Variants in ZNF821 observed in about 807,000 individuals in gnomAD.
ZNF821 encodes the protein zinc finger protein 821.
A neutral mutation model predicts 44.3 loss-of-function variants in ZNF821; 16 were observed. The ratio of observed to expected loss-of-function variants is 0.36; its 90% CI spans 0.24 to 0.55. The LOEUF is 0.55. Ranked by LOEUF, ZNF821 falls within the 20% of genes least tolerant of loss-of-function variation. The probability of loss-of-function intolerance (pLI) is 0.86; values close to 1 mark genes in which losing one functional copy is unlikely to be tolerated. For synonymous variants in ZNF821, 204 were observed against 197.6 expected, an observed-to-expected ratio of 1.03 and a Z score of -0.27; for missense variants, 436 against 547.6, an observed-to-expected ratio of 0.80 and a Z score of 2.03.
rs149913112 is a variant in ZNF821, at chr16:71,862,060, A to C, written c.418-118T>G. 3.5e-4 allele frequency: 426 copies of C among 1,210,598 alleles called. 1 individual carries two copies. The East Asian group carries it at 6.7e-3, about 19-fold the overall frequency. The allele number at this position is 1,210,598 out of a possible 1,614,324, so 75.0% of individuals were successfully genotyped here. A position where few individuals can be genotyped will look rare whatever the true frequency, so the allele number is the denominator to read the frequency against. On this transcript the variant is annotated intron_variant, in intron 6 of 7. Coordinates refer to ENST00000425432, the MANE Select transcript of ZNF821 (RefSeq NM_001201552.2). ...TTTAGTCTCAGAATAAGGAACTTCC[A>C]AGTATTCTGTTTAGCCCCTAGAAAA... is the stretch of plus-strand genomic sequence containing the variant.
At chr16:71,869,066 A>C (rs2034886479) in intron 3 of ZNF821, among the ~76,000 whole-genome samples, 1 of 152,146 alleles carries the variant, frequency 6.6e-6, no homozygotes, top group South Asian at 2.1e-4. Context: ...GCTACTGAAG[A>C]GTTAGTATAC....
intron 3 of ZNF821, among the ~76,000 whole-genome samples, chr16:71,869,628 A>G (rs118088630): frequency 1.5e-3 from 229 of 152,034 alleles, no homozygotes; most frequent in Admixed American, 2.8e-3. Context: ...ATCTAACTCT[A>G]ATGTCCTTTT....
chr16:71,863,842 C>T lies in ZNF821; in HGVS notation c.417+296G>A, dbSNP rs575238577. Among the ~76,000 whole-genome samples, 79 of 152,192 alleles carry T rather than the reference C, an allele frequency of 5.2e-4. 1 individual carries two copies. The highest frequency in any genetic ancestry group is 1.7e-3 in the African/African-American group (69 of 41,536). On this transcript the variant is annotated intron_variant, in intron 6 of 7. Transcript: ENST00000425432. ...CATCCCGAGTAGCTGGGACTACAGG[C>T]GCATGCCACCACACCTGGCTAATAT...
At chr16:71,890,573 GAC>G (rs907737490) in intron 1 of ZNF821, 4 of 151,458 alleles carry the variant, frequency 2.6e-5, no homozygotes, top group African/African-American at 9.7e-5. Context: ...TTTTAATAGA[GAC>G]AGATTTTCGC....
intron 2 of ZNF821, among the ~76,000 whole-genome samples, chr16:71,881,030 G>A (rs1236879910): frequency 2.0e-5 from 3 of 152,164 alleles, no homozygotes; most frequent in Non-Finnish European, 1.5e-5. Flanking sequence ...TAGAAAGAGT[G>A]AATAAAGACA....
At chr16:71,880,860 G>A (rs554589950) in intron 2 of ZNF821, among the ~76,000 whole-genome samples, 12 of 152,164 alleles carry the variant, frequency 7.9e-5, no homozygotes, top group Non-Finnish European at 1.6e-4. Flanking sequence ...TTCCCCAAAC[G>A]AAAAATGCTG....
At chr16:71,863,392 G>A (rs2034139092) in intron 6 of ZNF821, among the ~76,000 whole-genome samples, 1 of 144,192 alleles carries the variant, frequency 6.9e-6, no homozygotes, top group African/African-American at 2.6e-5. Context: ...GAAGCTTGGA[G>A]CAGAATCTCT....
chr16:71,875,611 G>A (rs1430654278), intron 3 of ZNF821, among the ~76,000 whole-genome samples: 1 of 151,908 alleles, frequency 6.6e-6, no homozygotes, highest in African/African-American at 2.4e-5. Context: ...CCACCACCAC[G>A]CCCGGCTAAT....
exon 1 of ZNF821, chr16:71,895,002 G>T (rs558209557): frequency 1.6e-6 from 1 of 607,742 alleles, no homozygotes; most frequent in African/African-American, 1.9e-5. Flanking sequence ...GCTTAAAAGC[G>T]GGGCGGGGGA....
At chr16:71,881,558 T>G (rs2036424826) in intron 2 of ZNF821, 1 of 152,248 alleles carries the variant, frequency 6.6e-6, no homozygotes, top group Non-Finnish European at 1.5e-5. Flanking sequence ...TGTATGTCAT[T>G]TTTTTCTAAT....
chr16:71,878,939 A>AT (rs2036144850), intron 3 of ZNF821, among the ~76,000 whole-genome samples: 1 of 151,678 alleles, frequency 6.6e-6, no homozygotes, highest in Admixed American at 6.6e-5. Context: ...AAAAAAAAAA[A>AT]GCAAAGAAAA....
intron 4 of ZNF821, among the ~76,000 whole-genome samples, chr16:71,867,425 G>A (rs527376063): frequency 6.6e-6 from 1 of 152,218 alleles, no homozygotes; most frequent in South Asian, 2.1e-4. Flanking sequence ...AGTGGCTCAC[G>A]CCTATAATCC....
chr16:71,863,395 GA>G (rs2034140248), intron 6 of ZNF821, among the ~76,000 whole-genome samples: 1 of 136,714 alleles, frequency 7.3e-6, no homozygotes, highest in Non-Finnish European at 1.5e-5. Flanking sequence ...GCTTGGAGCA[GA>G]ATCTCTTTTT....
upstream of ZNF821, among the ~76,000 whole-genome samples, chr16:71,887,856 C>CTTT (rs555295344): frequency 7.5e-6 from 1 of 133,636 alleles, no homozygotes; most frequent in African/African-American, 2.8e-5. Context: ...ATTGAGTTGT[C>CTTT]TTTTTTTTTT....
At chr16:71,894,324 G>A (rs1380916416) in intron 1 of ZNF821, 1 of 151,338 alleles carries the variant, frequency 6.6e-6, no homozygotes, top group African/African-American at 2.4e-5. Flanking sequence ...GCAATCGCCG[G>A]ATCTCGGCTC....
upstream of ZNF821, among the ~76,000 whole-genome samples, chr16:71,889,186 T>C (rs1474962681): frequency 6.6e-6 from 1 of 152,136 alleles, no homozygotes. Context: ...TGCAGGGAGC[T>C]GTGATAGTAC....
intron 3 of ZNF821, among the ~76,000 whole-genome samples, chr16:71,874,706 G>A (rs1408335176): frequency 2.0e-5 from 3 of 152,002 alleles, no homozygotes; most frequent in Admixed American, 6.6e-5. Flanking sequence ...TGCCTGCCTC[G>A]GCCTCCAAAA....
chr16:71,875,972 T>C (rs1451438486), intron 3 of ZNF821, among the ~76,000 whole-genome samples: 1 of 152,190 alleles, frequency 6.6e-6, no homozygotes, highest in African/African-American at 2.4e-5. Flanking sequence ...AGCTTATGGA[T>C]ATATGCTACG....
chr16:71,885,543 A>C (rs1191177873), upstream of ZNF821, among the ~76,000 whole-genome samples: 2 of 152,376 alleles, frequency 1.3e-5, no homozygotes, highest in East Asian at 3.9e-4. Context: ...GCACAAAGGC[A>C]GGGCTAACGA....
Sources: allele counts gnomAD v4.1 joint callset (sites outside exome capture counted in the v4.1 genomes callset), GRCh38; gene constraint gnomAD v4.1.1; transcripts MANE v1.5; gene names NCBI Gene and HGNC (gene_info 2026-07-23, HGNC 2026-07-21).